Variants in SYN3 observed in about 807,000 individuals in gnomAD.
SYN3 encodes synapsin-3.
In SYN3, 35 loss-of-function variants were observed where a neutral mutation model predicts 65.8. That is an observed-to-expected ratio of 0.53 (90% confidence interval 0.41 to 0.70). The LOEUF (loss-of-function observed/expected upper bound fraction) is 0.70. SYN3 is among the 30% of genes least tolerant of loss of function. The pLI, the probability that SYN3 is intolerant of heterozygous loss-of-function variation, is 0.00. For synonymous variants in SYN3, 270 were observed against 292.9 expected (o/e 0.92, Z 0.80); for missense variants, 680 against 749.0 (o/e 0.91, Z 1.08).
chr22:32,883,737 C>A (rs183347328), intron 4 of SYN3, among the ~76,000 whole-genome samples: 2 of 152,318 alleles, frequency 1.3e-5, no homozygotes, highest in East Asian at 3.9e-4. Flanking sequence ...ATTCAGTGCA[C>A]ATTTACTGAG....
chr22:32,989,638 C>A (rs1207736484), intron 2 of SYN3, among the ~76,000 whole-genome samples: 2 of 151,860 alleles, frequency 1.3e-5, no homozygotes, highest in African/African-American at 4.8e-5. Context: ...AGTTCAAGAC[C>A]AGCCTGGCCA....
intron 3 of SYN3, among the ~76,000 whole-genome samples, chr22:32,980,305 G>A (rs910975204): frequency 1.3e-5 from 2 of 152,188 alleles, no homozygotes; most frequent in South Asian, 2.1e-4. Flanking sequence ...TGGCTGCAAG[G>A]AGATGCCCCA....
intron 7 of SYN3, among the ~76,000 whole-genome samples, chr22:32,573,957 T>C (rs1443226146): frequency 6.6e-6 from 1 of 150,572 alleles, no homozygotes; most frequent in African/African-American, 2.4e-5. Context: ...TTTTTTATTT[T>C]AGTAGAGACG....
At chr22:32,669,289 C>G (rs937838391) in intron 6 of SYN3, among the ~76,000 whole-genome samples, 1 of 151,920 alleles carries the variant, frequency 6.6e-6, no homozygotes, top group South Asian at 2.1e-4. Context: ...GTTGGGGGAG[C>G]TTTCTAGCTT....
At chr22:32,869,226 G>T in intron 4 of SYN3, 101 bp from the exon 5 acceptor site, 1 of 1,350,498 alleles carries the variant, frequency 7.4e-7, no homozygotes, top group Non-Finnish European at 1.0e-6. Context: ...CTTGCAGGGC[G>T]GCAGCTTAGT....
At chr22:32,626,662 T>G (rs1601789484) in intron 6 of SYN3, among the ~76,000 whole-genome samples, 2 of 152,188 alleles carry the variant, frequency 1.3e-5, no homozygotes, top group South Asian at 4.2e-4. Context: ...GAGCACAGAC[T>G]CATGAACTTG....
chr22:32,989,664 G>A (rs888749435), intron 2 of SYN3, among the ~76,000 whole-genome samples: 8 of 151,204 alleles, frequency 5.3e-5, no homozygotes, highest in African/African-American at 1.7e-4. Flanking sequence ...GTGAAACCCC[G>A]TGTCTACCAA....
chr22:32,868,403 A>G (rs1296630507), intron 5 of SYN3, among the ~76,000 whole-genome samples: 1 of 151,708 alleles, frequency 6.6e-6, no homozygotes, highest in East Asian at 1.9e-4. Context: ...CATGTATAAT[A>G]TATAACATGT....
intron 6 of SYN3, among the ~76,000 whole-genome samples, chr22:32,627,412 T>C (rs555840035): frequency 6.6e-6 from 1 of 152,128 alleles, no homozygotes; most frequent in African/African-American, 2.4e-5. Flanking sequence ...TCTACACTTA[T>C]GCACACCTAC....
At chr22:32,617,016 C>T (rs917234817) in intron 6 of SYN3, among the ~76,000 whole-genome samples, 10 of 152,078 alleles carry the variant, frequency 6.6e-5, no homozygotes, top group African/African-American at 2.4e-4. Context: ...GAAGGCGCTG[C>T]GGGAGGGAAG....
intron 4 of SYN3, among the ~76,000 whole-genome samples, chr22:32,902,342 A>G (rs551391399): frequency 2.0e-5 from 3 of 152,358 alleles, no homozygotes; most frequent in Non-Finnish European, 4.4e-5. Flanking sequence ...ACAAGTGAGC[A>G]GTAACAAGGA....
At position 32,527,554 on chromosome 22, in the gene SYN3, C is replaced by A. The variant is rs190223515; in HGVS notation, c.1318+364G>T. The A allele has an allele frequency of 2.2e-3, 394 of 181,542 alleles. 5 individuals carry two copies. The highest frequency in any genetic ancestry group is 8.3e-4 in the South Asian group (8 of 9,686). The allele number at this position is 181,542 out of a possible 1,614,324, so 11.2% of individuals were successfully genotyped here. Reference sequence around the variant, plus strand: ...GGTGGAGGATGCAGTGAGCCGAGATCGCACCACTGCACTCCAGCCTGGCGA... The same window carrying A: ...GGTGGAGGATGCAGTGAGCCGAGATAGCACCACTGCACTCCAGCCTGGCGA... On this transcript the variant is annotated intron_variant, in intron 12 of 13. Transcript: ENST00000358763.
chr22:32,660,647 C>A (rs2060204651), intron 6 of SYN3, among the ~76,000 whole-genome samples: 1 of 152,222 alleles, frequency 6.6e-6, no homozygotes, highest in Non-Finnish European at 1.5e-5. Flanking sequence ...CCTTCTGGAG[C>A]TCCCCTTGTC....
intron 6 of SYN3, among the ~76,000 whole-genome samples, chr22:32,753,452 C>T (rs1569197115): frequency 6.6e-6 from 1 of 152,184 alleles, no homozygotes; most frequent in Non-Finnish European, 1.5e-5. Flanking sequence ...TGGGGAACGG[C>T]TGGCTCCACC....
intron 6 of SYN3, among the ~76,000 whole-genome samples, chr22:32,675,282 T>C (rs1159890605): frequency 2.0e-5 from 3 of 152,150 alleles, no homozygotes; most frequent in Admixed American, 2.0e-4. Flanking sequence ...TTGTCATATA[T>C]CTTCCAGACC....
intron 6 of SYN3, among the ~76,000 whole-genome samples, chr22:32,736,519 G>A (rs2061338333): frequency 6.6e-6 from 1 of 152,078 alleles, no homozygotes; most frequent in African/African-American, 2.4e-5. Flanking sequence ...CAGTGTTAAT[G>A]CTTTGTATAA....
intron 6 of SYN3, among the ~76,000 whole-genome samples, chr22:32,617,119 T>C (rs559240664): frequency 6.6e-6 from 1 of 152,282 alleles, no homozygotes; most frequent in South Asian, 2.1e-4. Flanking sequence ...CACTACGCCG[T>C]GTGTGTATGG....
intron 6 of SYN3, among the ~76,000 whole-genome samples, chr22:32,823,913 T>C (rs242087): frequency 0.93 from 141,833 of 152,226 alleles, 66,152 homozygotes; most frequent in Middle Eastern, 0.95. Flanking sequence ...GACACCTATA[T>C]GTCTAAGGGT....
At chr22:32,620,601 C>A (rs1410541632) in intron 6 of SYN3, among the ~76,000 whole-genome samples, 1 of 152,102 alleles carries the variant, frequency 6.6e-6, no homozygotes, top group East Asian at 1.9e-4. Flanking sequence ...AGAAAGAGGG[C>A]CCCAAATTGC....
Sources: allele counts gnomAD v4.1 joint callset (sites outside exome capture counted in the v4.1 genomes callset), GRCh38; gene constraint gnomAD v4.1.1; transcripts MANE v1.5; gene names NCBI Gene and HGNC (gene_info 2026-07-23, HGNC 2026-07-21).